Variants in KAZN observed in about 807,000 individuals in gnomAD.
KAZN encodes kazrin, periplakin interacting protein, also known as kazrin.
A neutral mutation model predicts 87.4 loss-of-function variants in KAZN; 40 were observed. The ratio of observed to expected loss-of-function variants is 0.46; its 90% CI spans 0.36 to 0.60. The LOEUF is 0.60. Ranked by LOEUF, KAZN falls within the 20% of genes least tolerant of loss-of-function variation. The pLI is 0.00. For synonymous variants in KAZN, 466 were observed against 458.3 expected (o/e 1.02, Z -0.22); for missense variants, 898 against 1,073.9 (o/e 0.84, Z 2.29).
intron 2 of KAZN, among the ~76,000 whole-genome samples, chr1:14,990,717 T>C (rs1371421911): frequency 6.6e-6 from 1 of 151,942 alleles, no homozygotes; most frequent in Non-Finnish European, 1.5e-5. Context: ...ACGCCAGGTC[T>C]TGGGGGTCAG....
intron 1 of KAZN, among the ~76,000 whole-genome samples, chr1:14,157,702 G>C (rs572372471): frequency 6.6e-6 from 1 of 152,170 alleles, no homozygotes; most frequent in East Asian, 1.9e-4. Flanking sequence ...ATTCCTTGAG[G>C]TAGTGTATTA....
intron 1 of KAZN, among the ~76,000 whole-genome samples, chr1:14,686,448 G>C (rs1640957689): frequency 6.6e-6 from 1 of 152,256 alleles, no homozygotes; most frequent in African/African-American, 2.4e-5. Flanking sequence ...GCAGATATAT[G>C]TGGTCCCCTC....
intron 1 of KAZN, among the ~76,000 whole-genome samples, chr1:14,695,043 C>G (rs530607273): frequency 1.8e-4 from 27 of 152,202 alleles, no homozygotes; most frequent in Non-Finnish European, 3.4e-4. Context: ...ACTTCAAAGT[C>G]TGCCAAGATG....
chr1:14,801,061 AAG>A (rs1313432237), intron 1 of KAZN, among the ~76,000 whole-genome samples: 1 of 150,212 alleles, frequency 6.7e-6, no homozygotes, highest in Non-Finnish European at 1.5e-5. Flanking sequence ...AAAAAAAAAA[AAG>A]AAATACGTGG....
chr1:14,364,865 C>G (rs940292249), intron 2 of KAZN, among the ~76,000 whole-genome samples: 5 of 152,148 alleles, frequency 3.3e-5, no homozygotes, highest in African/African-American at 7.2e-5. Context: ...GGCATTCTCC[C>G]TGTGTGTGTC....
intron 2 of KAZN, among the ~76,000 whole-genome samples, chr1:14,550,726 T>TCTCTCTCA: frequency 1.2e-5 from 1 of 82,764 alleles, no homozygotes; most frequent in Non-Finnish European, 2.9e-5. Context: ...TCTCTCTCTC[T>TCTCTCTCA]CTCTCTCTCT....
intron 1 of KAZN, among the ~76,000 whole-genome samples, chr1:14,941,118 A>C (rs1322480349): frequency 4.0e-5 from 6 of 151,572 alleles, no homozygotes; most frequent in African/African-American, 7.3e-5. Flanking sequence ...GGGTTTCACT[A>C]TATGTTGGCC....
intron 2 of KAZN, among the ~76,000 whole-genome samples, chr1:14,574,056 A>G (rs1675032430): frequency 6.6e-6 from 1 of 152,140 alleles, no homozygotes; most frequent in Admixed American, 6.5e-5. Flanking sequence ...GTTTCCAATG[A>G]ATAATTTTAG....
intron 8 of KAZN, among the ~76,000 whole-genome samples, chr1:15,089,315 C>A (rs1221196786): frequency 6.6e-6 from 1 of 150,694 alleles, no homozygotes; most frequent in Non-Finnish European, 1.5e-5. Context: ...GGGCACAGAA[C>A]GGACAGATCC....
chr1:14,211,414 C>G (rs956249633), intron 2 of KAZN, among the ~76,000 whole-genome samples: 1 of 152,102 alleles, frequency 6.6e-6, no homozygotes, highest in Non-Finnish European at 1.5e-5. Context: ...TTAGTAGAGA[C>G]AGAGTTTCAT....
intron 1 of KAZN, among the ~76,000 whole-genome samples, chr1:14,729,269 C>G (rs1308446116): frequency 1.3e-5 from 2 of 152,128 alleles, no homozygotes; most frequent in Admixed American, 6.6e-5. Flanking sequence ...ACTTAGTGAC[C>G]CTTGCTATCT....
intron 2 of KAZN, among the ~76,000 whole-genome samples, chr1:14,409,934 G>A (rs1288817175): frequency 6.6e-6 from 1 of 152,144 alleles, no homozygotes; most frequent in Non-Finnish European, 1.5e-5. Context: ...TAGATTAAAA[G>A]TCATAATTAA....
intron 1 of KAZN, among the ~76,000 whole-genome samples, chr1:14,912,501 C>T (rs1657362574): frequency 6.6e-6 from 1 of 152,128 alleles, no homozygotes; most frequent in Admixed American, 6.5e-5. Context: ...CCACCTCAGC[C>T]TCCCGAGTAG....
intron 1 of KAZN, among the ~76,000 whole-genome samples, chr1:14,829,701 G>T (rs1647001080): frequency 6.6e-6 from 1 of 152,240 alleles, no homozygotes; most frequent in Non-Finnish European, 1.5e-5. Flanking sequence ...CAGACAGAAT[G>T]ATGTGTGTGA....
At chr1:14,176,767 A>T (rs924719280) in intron 1 of KAZN, among the ~76,000 whole-genome samples, 1 of 152,136 alleles carries the variant, frequency 6.6e-6, no homozygotes, top group African/African-American at 2.4e-5. Flanking sequence ...CTATTTATTT[A>T]TTATTTGTTT....
chr1:14,019,824 G>T (rs7551405), intron 1 of KAZN, among the ~76,000 whole-genome samples: 3,363 of 152,230 alleles, frequency 0.022, 115 homozygotes, highest in African/African-American at 0.076. Flanking sequence ...GATCTTTTCA[G>T]CACCAGGGAC....
chr1:14,252,209 T>A (rs928839746), intron 2 of KAZN, among the ~76,000 whole-genome samples: 1 of 152,162 alleles, frequency 6.6e-6, no homozygotes, highest in African/African-American at 2.4e-5. Flanking sequence ...TCCTAAGGAG[T>A]CTTCTCCATT....
intron 2 of KAZN, among the ~76,000 whole-genome samples, chr1:14,397,570 A>G (rs1366834947): frequency 6.6e-6 from 1 of 152,192 alleles, no homozygotes; most frequent in Non-Finnish European, 1.5e-5. Flanking sequence ...AGAATAAGGC[A>G]GAAGCGCTGG....
At position 15,094,912 on chromosome 1, in the gene KAZN, G is replaced by T. The variant is rs1276422532; in HGVS notation, c.1526G>T (p.Arg509Leu). 1.3e-6 allele frequency: 2 copies of T among 1,550,062 alleles called. No individual in the cohort carries two copies. The highest frequency in any genetic ancestry group is 2.0e-5 in the Admixed American group (1 of 50,970). ...RKLRLAIEDY[R>L]DAEAGRSLSK... The stretch of plus-strand genomic sequence containing the variant: ...CTGCGCCTGGCCATCGAGGACTACC[G>T]TGATGCCGAGGCAGGCCGCAGGTGA... The change falls in exon 10 of 15, where the codon CGT (arginine) becomes CTT (leucine). Residue 509 changes from arginine to leucine, a missense_variant. By Grantham distance (102) the Arg-to-Leu change is moderately radical. Transcript: ENST00000376030. This position sits in a 1 kb window ranked among gnomAD's most constrained non-coding sequence, Gnocchi z 4.5.
Sources: gnomAD v4.1 joint callset for allele counts (sites outside exome capture counted in the v4.1 genomes callset) on GRCh38, gnomAD v4.1.1 for gene constraint, Gnocchi (gnomAD v3.1) non-coding constraint, MANE v1.5 for transcripts, NCBI Gene and HGNC (gene_info 2026-07-23, HGNC 2026-07-21) for gene names.